Variants in MRPS28 observed in about 807,000 individuals in gnomAD.
MRPS28 encodes the protein small ribosomal subunit protein bS1m.
In MRPS28, 7 loss-of-function variants were observed where a neutral mutation model predicts 10.8. The observed-to-expected ratio is 0.65, with a 90% CI of 0.37 to 1.22. MRPS28 has a LOEUF of 1.22. Ranked by LOEUF, MRPS28 falls within the 50% of genes most tolerant of loss-of-function variation. The probability of loss-of-function intolerance (pLI) is 0.02; values close to 1 mark genes in which losing one functional copy is unlikely to be tolerated. For synonymous variants in MRPS28, 121 were observed against 93.3 expected (o/e 1.30, Z -1.71); for missense variants, 265 against 232.9 (o/e 1.14, Z -0.90).
At chr8:79,927,693 A>G (rs1300946317) in intron 2 of MRPS28, among the ~76,000 whole-genome samples, 1 of 152,228 alleles carries the variant, frequency 6.6e-6, no homozygotes, top group Non-Finnish European at 1.5e-5. Flanking sequence ...GAAAAGTCGT[A>G]TTCCACTAAT....
chr8:79,963,763 G>T (rs763874191), intron 2 of MRPS28, among the ~76,000 whole-genome samples: 46 of 151,994 alleles, frequency 3.0e-4, no homozygotes, highest in Non-Finnish European at 6.5e-4. Flanking sequence ...TTTGTCCTCA[G>T]CCACTGTTCA....
intron 2 of MRPS28, among the ~76,000 whole-genome samples, chr8:79,966,898 AAATT>A (rs1195120002): frequency 1.3e-5 from 2 of 152,148 alleles, no homozygotes; most frequent in Admixed American, 1.3e-4. Context: ...TCCAAGGTAT[AAATT>A]GTTTGAGTCA....
At chr8:79,983,475 C>T (rs1353263872) in intron 2 of MRPS28, among the ~76,000 whole-genome samples, 27 of 152,192 alleles carry the variant, frequency 1.8e-4, no homozygotes, top group African/African-American at 5.3e-4. Context: ...CAAACTACTC[C>T]GAGCTACAGG....
intron 2 of MRPS28, among the ~76,000 whole-genome samples, chr8:79,931,761 G>C (rs1216544667): frequency 6.6e-6 from 1 of 152,248 alleles, no homozygotes; most frequent in East Asian, 1.9e-4. Flanking sequence ...TACTGGAGCT[G>C]ACTAATTGAC....
chr8:79,974,793 T>C (rs754672428), intron 2 of MRPS28, among the ~76,000 whole-genome samples: 3 of 152,084 alleles, frequency 2.0e-5, no homozygotes, highest in Non-Finnish European at 4.4e-5. Flanking sequence ...AACTACATCC[T>C]AAGTGTCACC....
chr8:79,984,689 T>C (rs1298149900), intron 2 of MRPS28, among the ~76,000 whole-genome samples: 1 of 152,140 alleles, frequency 6.6e-6, no homozygotes, highest in Non-Finnish European at 1.5e-5. Context: ...GGCCATTACA[T>C]AATGGTAAAG....
At chr8:79,947,629 GTTTT>G (rs767221360) in intron 2 of MRPS28, among the ~76,000 whole-genome samples, 3 of 109,222 alleles carry the variant, frequency 2.7e-5, no homozygotes, top group African/African-American at 7.8e-5. Flanking sequence ...AATATATTAA[GTTTT>G]TTTTTTTTTT....
At chr8:79,960,729 A>G (rs1414315908) in intron 2 of MRPS28, among the ~76,000 whole-genome samples, 3 of 152,122 alleles carry the variant, frequency 2.0e-5, no homozygotes, top group African/African-American at 4.8e-5. Context: ...CCATTAAAAG[A>G]AAAAGAAAAC....
chr8:79,920,116 G>A (rs1810045098), intron 2 of MRPS28, among the ~76,000 whole-genome samples: 1 of 152,070 alleles, frequency 6.6e-6, no homozygotes, highest in Non-Finnish European at 1.5e-5. Context: ...CAAAGGACAT[G>A]AACTCATCGT....
chr8:79,941,829 C>T (rs560367967), intron 2 of MRPS28, among the ~76,000 whole-genome samples: 54 of 152,206 alleles, frequency 3.5e-4, no homozygotes, highest in Middle Eastern at 3.4e-3. Context: ...TTTTCCACTG[C>T]AGTATCCATC....
chr8:79,954,112 A>T (rs566512884), intron 2 of MRPS28, among the ~76,000 whole-genome samples: 1 of 152,134 alleles, frequency 6.6e-6, no homozygotes, highest in Admixed American at 6.5e-5. Context: ...GGCACACTAC[A>T]TGCTCCTGTA....
At chr8:80,007,771 G>C (rs146385706) in intron 1 of MRPS28, among the ~76,000 whole-genome samples, 120,524 of 151,094 alleles carry the variant, frequency 0.8, 48,799 homozygotes, top group African/African-American at 0.95. Flanking sequence ...CGAAATAAAA[G>C]AGGATACAAA....
At chr8:80,029,028 A>G (rs7004787) in intron 1 of MRPS28, among the ~76,000 whole-genome samples, 2,479 of 152,276 alleles carry the variant, frequency 0.016, 74 homozygotes, top group African/African-American at 0.056. Flanking sequence ...AAGACAGGCC[A>G]GGAAGAGATT....
At chr8:79,984,339 A>T (rs1449850848) in intron 2 of MRPS28, among the ~76,000 whole-genome samples, 3 of 152,250 alleles carry the variant, frequency 2.0e-5, no homozygotes, top group Admixed American at 6.5e-5. Context: ...TGTAAAGACC[A>T]TCGAGGCTAG....
At chr8:80,011,765 A>C (rs900633729) in intron 1 of MRPS28, among the ~76,000 whole-genome samples, 1 of 152,124 alleles carries the variant, frequency 6.6e-6, no homozygotes, top group Non-Finnish European at 1.5e-5. Context: ...AAACAACAAA[A>C]AACAAAAACA....
intron 2 of MRPS28, among the ~76,000 whole-genome samples, chr8:79,919,520 G>T (rs1392536623): frequency 1.3e-5 from 2 of 152,058 alleles, no homozygotes; most frequent in South Asian, 2.1e-4. Flanking sequence ...TCAGAGTCAG[G>T]GTCTCTCTAT....
chr8:79,932,372 G>A (rs913781597), intron 2 of MRPS28, among the ~76,000 whole-genome samples: 12 of 152,158 alleles, frequency 7.9e-5, no homozygotes, highest in African/African-American at 2.7e-4. Flanking sequence ...ACAAGAAAAG[G>A]AGCCAGCTGT....
At chr8:79,951,647 C>T (rs772748280) in intron 2 of MRPS28, among the ~76,000 whole-genome samples, 3 of 152,194 alleles carry the variant, frequency 2.0e-5, no homozygotes, top group Non-Finnish European at 2.9e-5. Flanking sequence ...CACAACTCAG[C>T]ATGTGATGTA....
At chr8:80,025,833 C>G (rs973324947) in intron 1 of MRPS28, among the ~76,000 whole-genome samples, 2 of 152,118 alleles carry the variant, frequency 1.3e-5, no homozygotes, top group African/African-American at 4.8e-5. Flanking sequence ...AGGATTTAAA[C>G]CAAGATTGCA....
Sources: gnomAD v4.1 joint callset for allele counts (sites outside exome capture counted in the v4.1 genomes callset) on GRCh38, gnomAD v4.1.1 for gene constraint, MANE v1.5 for transcripts, NCBI Gene and HGNC (gene_info 2026-07-23, HGNC 2026-07-21) for gene names.